COMMD1: variants seen among roughly 807,000 people sequenced by gnomAD.
COMMD1 encodes the protein copper metabolism domain containing 1, also known as COMM domain-containing protein 1.
COMMD1 carries 10 observed loss-of-function variants against 17.2 expected under a neutral mutation model. That is an observed-to-expected ratio of 0.58 (90% CI 0.36 to 0.99). The LOEUF (loss-of-function observed/expected upper bound fraction) is 0.99. COMMD1 is among the 50% of genes least tolerant of loss of function. The pLI, the probability that COMMD1 is intolerant of heterozygous loss-of-function variation, is 0.01. For missense variants in COMMD1, 270 were observed against 231.8 expected (o/e 1.17, Z -1.07); for synonymous variants, 97 against 91.6 (o/e 1.06, Z -0.34).
intron 2 of COMMD1, among the ~76,000 whole-genome samples, chr2:62,038,340 G>T (rs979022460): frequency 1.3e-5 from 2 of 151,878 alleles, no homozygotes; most frequent in African/African-American, 4.8e-5. Context: ...AAAAAACGAT[G>T]AATCAAAATG....
chr2:62,136,047 T>C lies in COMMD1; in HGVS notation c.*106T>C. On this transcript the variant is annotated 3_prime_UTR_variant, in exon 3 of 3. Coordinates refer to ENST00000311832, the MANE Select transcript of COMMD1 (RefSeq NM_152516.4). The stretch of plus-strand genomic sequence containing the variant: ...TTGTGCCCGCATTGGTATTAAATCC[T>C]CGCATTCAGTCTTCCTGCCTCTACT... The C allele has an allele frequency of 1.4e-6, 1 of 713,532 alleles. No homozygotes were observed. Among genetic ancestry groups the C allele is most frequent in the Non-Finnish European group, 2.6e-6 (1 of 388,058 alleles). 44.2% of individuals were successfully genotyped at this position (713,532 alleles called of 1,614,324 possible).
chr2:62,027,878 C>G (rs1459675651), intron 2 of COMMD1, among the ~76,000 whole-genome samples: 1 of 152,008 alleles, frequency 6.6e-6, no homozygotes, highest in Non-Finnish European at 1.5e-5. Flanking sequence ...TGCTCAAACT[C>G]TTAGGCTCAA....
intron 2 of COMMD1, among the ~76,000 whole-genome samples, chr2:62,086,767 C>A (rs180994069): frequency 6.6e-6 from 1 of 152,074 alleles, no homozygotes; most frequent in African/African-American, 2.4e-5. Flanking sequence ...ATTTTGGGTG[C>A]AGTTTACTTA....
chr2:62,047,259 C>T lies in COMMD1; in HGVS notation c.462+46277C>T, dbSNP rs1274784909. ...CTGTAATGGAGTTGAAAAATTCTCA[C>T]TGCCTAGTGACATTGTAGCTGTTGT... is the stretch of plus-strand genomic sequence containing the variant. On this transcript the variant is annotated intron_variant, in intron 2 of 2. Transcript: ENST00000311832. 2.6e-5 allele frequency among the ~76,000 whole-genome samples: 4 copies of T among 152,154 alleles called. No homozygotes were observed. The South Asian group carries it at 6.2e-4, about 24-fold the overall frequency.
intron 1 of COMMD1, among the ~76,000 whole-genome samples, chr2:61,984,028 T>C (rs868170773): frequency 3.3e-5 from 5 of 152,326 alleles, no homozygotes; most frequent in African/African-American, 1.2e-4. Flanking sequence ...GGTTTGTTGT[T>C]GTTGCTGTTG....
chr2:61,942,285 G>C (rs941232169), intron 1 of COMMD1, among the ~76,000 whole-genome samples: 8 of 152,026 alleles, frequency 5.3e-5, no homozygotes, highest in African/African-American at 1.4e-4. Flanking sequence ...TGTATTTTTA[G>C]TAGAGATGGG....
At chr2:62,015,330 G>A (rs553509014) in intron 2 of COMMD1, among the ~76,000 whole-genome samples, 8 of 152,046 alleles carry the variant, frequency 5.3e-5, no homozygotes, top group East Asian at 3.9e-4. Flanking sequence ...AACTTTTATC[G>A]TTGTTGTAGT....
chr2:61,998,739 T>C (rs1472989182), intron 1 of COMMD1, among the ~76,000 whole-genome samples: 1 of 152,226 alleles, frequency 6.6e-6, no homozygotes, highest in Non-Finnish European at 1.5e-5. Context: ...AAATCAGATA[T>C]GTGTGACTTT....
chr2:62,030,156 G>A (rs1669874301), intron 2 of COMMD1, among the ~76,000 whole-genome samples: 1 of 152,170 alleles, frequency 6.6e-6, no homozygotes, highest in African/African-American at 2.4e-5. Context: ...GTGTGGGCAG[G>A]GCTCTCTCTG....
intron 1 of COMMD1, among the ~76,000 whole-genome samples, chr2:61,908,343 C>T (rs1669823647): frequency 6.6e-6 from 1 of 151,534 alleles, no homozygotes; most frequent in Non-Finnish European, 1.5e-5. Context: ...TCTCCTGCCT[C>T]AGCCTCCCGA....
intron 2 of COMMD1, among the ~76,000 whole-genome samples, chr2:62,089,923 A>G (rs1474678160): frequency 6.6e-6 from 1 of 152,106 alleles, no homozygotes; most frequent in Non-Finnish European, 1.5e-5. Flanking sequence ...TGATTTGGTC[A>G]TTTGGCAAGG....
At chr2:61,995,927 A>G (rs1470083240) in intron 1 of COMMD1, among the ~76,000 whole-genome samples, 1 of 152,238 alleles carries the variant, frequency 6.6e-6, no homozygotes, top group African/African-American at 2.4e-5. Context: ...AAAGTGAATA[A>G]TGCAATTAAG....
At chr2:62,067,040 T>C (rs1438338149) in intron 2 of COMMD1, among the ~76,000 whole-genome samples, 1 of 152,178 alleles carries the variant, frequency 6.6e-6, no homozygotes, top group Non-Finnish European at 1.5e-5. Flanking sequence ...TCTATATAGA[T>C]TGATGGGCTA....
At chr2:62,053,412 C>G (rs1205631507) in intron 2 of COMMD1, among the ~76,000 whole-genome samples, 1 of 151,944 alleles carries the variant, frequency 6.6e-6, no homozygotes. Context: ...ATACTTCCAC[C>G]TTGCTTTCTT....
At chr2:62,099,573 C>CT (rs1041648682) in intron 2 of COMMD1, among the ~76,000 whole-genome samples, 315 of 143,714 alleles carry the variant, frequency 2.2e-3, no homozygotes, top group African/African-American at 4.4e-3. Context: ...CTATCTCTCT[C>CT]TTTTTTTTTT....
intron 2 of COMMD1, among the ~76,000 whole-genome samples, chr2:62,036,219 T>G (rs1444903314): frequency 6.7e-6 from 1 of 149,268 alleles, no homozygotes; most frequent in African/African-American, 2.6e-5. Flanking sequence ...TATGATTGGT[T>G]GGTAAAATGA....
chr2:62,000,016 G>A lies in COMMD1; in HGVS notation c.181-685G>A, dbSNP rs530514224. 1.5e-4 allele frequency among the ~76,000 whole-genome samples: 22 copies of A among 147,832 alleles called. No individual in the cohort carries two copies. In the South Asian group the frequency reaches 4.5e-3, roughly 30 times the overall value. On this transcript the variant is annotated intron_variant, in intron 1 of 2. Transcript: ENST00000311832. The stretch of plus-strand genomic sequence containing the variant: ...TGAGCTACTGCTACCTCTGCCTCCC[G>A]GGTTCAAGCGATTCTCCTGCCTCAG...
At chr2:61,907,438 T>G (rs1037022395) in intron 1 of COMMD1, among the ~76,000 whole-genome samples, 2 of 152,160 alleles carry the variant, frequency 1.3e-5, no homozygotes, top group African/African-American at 4.8e-5. Flanking sequence ...TTTTACTCTT[T>G]GAGCAGTCCA....
At chr2:61,998,480 G>A (rs1405581504) in intron 1 of COMMD1, among the ~76,000 whole-genome samples, 3 of 151,906 alleles carry the variant, frequency 2.0e-5, no homozygotes, top group Non-Finnish European at 4.4e-5. Context: ...GGCTGGTCTC[G>A]AACTCCGGAC....
Sources: allele counts gnomAD v4.1 joint callset (sites outside exome capture counted in the v4.1 genomes callset), GRCh38; gene constraint gnomAD v4.1.1; transcripts MANE v1.5; gene names NCBI Gene and HGNC (gene_info 2026-07-23, HGNC 2026-07-21).